Variants in SCP2 observed in about 807,000 individuals in gnomAD.
SCP2 encodes sterol carrier protein 2, also known as SCP-2/3-oxoacyl-CoA thiolase.
SCP2 carries 48 observed loss-of-function variants against 71.4 expected under a neutral mutation model. The ratio of observed to expected loss-of-function variants is 0.67; its 90% confidence interval spans 0.53 to 0.86. The LOEUF (loss-of-function observed/expected upper bound fraction) is 0.86. Among genes scored for constraint, SCP2 ranks in the 40% least tolerant of loss-of-function variants. The probability of loss-of-function intolerance (pLI) is 0.00; values close to 1 mark genes in which losing one functional copy is unlikely to be tolerated. For synonymous variants in SCP2, 220 were observed against 218.1 expected, an observed-to-expected ratio of 1.01 and a Z score of -0.08; for missense variants, 560 against 655.6, an observed-to-expected ratio of 0.85 and a Z score of 1.59.
intron 12 of SCP2, among the ~76,000 whole-genome samples, chr1:53,017,983 T>C (rs906824644): frequency 2.0e-5 from 3 of 152,134 alleles, no homozygotes; most frequent in African/African-American, 7.2e-5. Flanking sequence ...GCCTCCCAAG[T>C]AGCTGGGATT....
rs1287693006 is a variant in SCP2, at chr1:52,987,004, ATATTTT to A, written c.974-1023_974-1018del. Reference sequence around the variant, plus strand: ...TTCTTCTGTATATATATATATATATATATTTTTTTTTTTTTTTTTTTGAGACAGAGT... The same window carrying A: ...TTCTTCTGTATATATATATATATATATTTTTTTTTTTTTTTGAGACAGAGT... On this transcript the variant is annotated intron_variant, in intron 10 of 15. Transcript: ENST00000371514. Among the ~76,000 whole-genome samples the A allele has an allele frequency of 2.4e-3, 226 of 93,730 alleles. 1 individual carries two copies. Among genetic ancestry groups the A allele is most frequent in the African/African-American group, 9.9e-3 (214 of 21,648 alleles). The allele number at this position is 93,730 out of a possible 152,430, so 61.5% of individuals were successfully genotyped here. A position where few individuals can be genotyped will look rare whatever the true frequency, so the allele number is the denominator to read the frequency against.
Position 53,022,817 on chromosome 1 carries a change from T to C in SCP2, c.1236-5152T>C, listed in dbSNP as rs558724518. On this transcript the variant is annotated intron_variant, in intron 12 of 15. Transcript: ENST00000371514. ...TCTGTGCTCTCAGTCTTTGACATTGTTGTAGCAGAGCCTGTTTTAGGCCTT... is the reference window on the plus strand; with the variant it reads ...TCTGTGCTCTCAGTCTTTGACATTGCTGTAGCAGAGCCTGTTTTAGGCCTT... 1.4e-3 allele frequency among the ~76,000 whole-genome samples: 212 copies of C among 152,300 alleles called. 2 individuals carry two copies. Among genetic ancestry groups the C allele is most frequent in the African/African-American group, 4.7e-3 (197 of 41,558 alleles).
chr1:52,957,165 C>T (rs1336006172), intron 5 of SCP2, among the ~76,000 whole-genome samples: 1 of 152,192 alleles, frequency 6.6e-6, no homozygotes, highest in Non-Finnish European at 1.5e-5. Flanking sequence ...ACCTCGGCCT[C>T]CCAAAGTGCT....
At chr1:52,948,240 G>A (rs973951259) in intron 3 of SCP2, among the ~76,000 whole-genome samples, 160 bp downstream of exon 3, 2 of 152,146 alleles carry the variant, frequency 1.3e-5, no homozygotes, top group Admixed American at 6.6e-5. Flanking sequence ...AGAATTCAAA[G>A]TCTGATTTAA....
intron 6 of SCP2, among the ~76,000 whole-genome samples, chr1:52,966,683 A>G (rs1369688692): frequency 6.7e-6 from 1 of 149,720 alleles, no homozygotes; most frequent in Non-Finnish European, 1.5e-5. Flanking sequence ...CAGGAGTTTG[A>G]GACCAGCCTG....
At chr1:53,029,609 C>T (rs1662382632) in intron 13 of SCP2, among the ~76,000 whole-genome samples, 1 of 152,168 alleles carries the variant, frequency 6.6e-6, no homozygotes, top group Non-Finnish European at 1.5e-5. Context: ...ATCTCATAAC[C>T]CTTATTGTAG....
At chr1:53,000,962 A>G (rs1463099421) in intron 11 of SCP2, among the ~76,000 whole-genome samples, 2 of 152,088 alleles carry the variant, frequency 1.3e-5, no homozygotes, top group East Asian at 3.9e-4. Context: ...CTCCAAAAAA[A>G]GAAAAAAATT....
chr1:53,048,068 A>AGAC, intron 15 of SCP2, 131 bp downstream of exon 15: 1 of 714,858 alleles, frequency 1.4e-6, no homozygotes, highest in South Asian at 1.4e-5. Context: ...AACAGTTGAC[A>AGAC]GACGTCTGTG....
intron 5 of SCP2, among the ~76,000 whole-genome samples, chr1:52,955,342 T>C (rs1655699158): frequency 6.6e-6 from 1 of 152,168 alleles, no homozygotes; most frequent in Non-Finnish European, 1.5e-5. Flanking sequence ...AACAGCCCCC[T>C]GGAATGAAAG....
intron 11 of SCP2, chr1:52,994,834 C>A: frequency 2.0e-6 from 1 of 512,064 alleles, no homozygotes; most frequent in Non-Finnish European, 3.8e-6. Context: ...CAGCACCTAA[C>A]ATGGGGACAG....
intron 1 of SCP2, among the ~76,000 whole-genome samples, chr1:52,937,107 T>C (rs1653813489): frequency 6.6e-6 from 1 of 151,968 alleles, no homozygotes; most frequent in Non-Finnish European, 1.5e-5. Context: ...TGTAAACTAA[T>C]GTATATGTGG....
intron 11 of SCP2, among the ~76,000 whole-genome samples, chr1:52,991,533 C>T (rs6672557): frequency 0.32 from 48,178 of 152,002 alleles, 12,769 homozygotes; most frequent in African/African-American, 0.72. Flanking sequence ...CCCAAGTAGC[C>T]GGGATTATGG....
At chr1:53,044,656 A>G (rs1234772786) in intron 14 of SCP2, among the ~76,000 whole-genome samples, 1 of 152,228 alleles carries the variant, frequency 6.6e-6, no homozygotes, top group Non-Finnish European at 1.5e-5. Flanking sequence ...GGGAGAGGCC[A>G]GCTTTAATTT....
At chr1:52,929,197 CTTTTTT>C (rs11438037) in intron 1 of SCP2, among the ~76,000 whole-genome samples, 2 of 135,914 alleles carry the variant, frequency 1.5e-5, no homozygotes, top group South Asian at 2.4e-4. Flanking sequence ...CACTGTAACA[CTTTTTT>C]TTTTTTTTTT....
chr1:52,943,345 C>T (rs577262794), intron 2 of SCP2, among the ~76,000 whole-genome samples: 47 of 151,990 alleles, frequency 3.1e-4, no homozygotes, highest in African/African-American at 1.1e-3. Flanking sequence ...GCCTCAGCCT[C>T]CTGAGTAGCT....
intron 11 of SCP2, among the ~76,000 whole-genome samples, chr1:52,988,759 C>T (rs1413534822): frequency 6.6e-6 from 1 of 150,584 alleles, no homozygotes; most frequent in African/African-American, 2.5e-5. Flanking sequence ...AATTTCGGCT[C>T]ATTGCAGCCC....
intron 6 of SCP2, among the ~76,000 whole-genome samples, chr1:52,972,574 T>C (rs1001447117): frequency 1.3e-5 from 2 of 152,218 alleles, no homozygotes; most frequent in African/African-American, 4.8e-5. Context: ...AAAGCATGTG[T>C]ACTTCCTAAA....
intron 6 of SCP2, among the ~76,000 whole-genome samples, chr1:52,964,107 A>G (rs1656727538): frequency 6.6e-6 from 1 of 151,930 alleles, no homozygotes. Flanking sequence ...AATCATAAAT[A>G]TTTTAAATTA....
intron 5 of SCP2, among the ~76,000 whole-genome samples, chr1:52,956,793 T>C (rs560768206): frequency 6.6e-6 from 1 of 152,238 alleles, no homozygotes; most frequent in Non-Finnish European, 1.5e-5. Flanking sequence ...ATGGTACATA[T>C]GCTGGTAACT....
Sources: allele counts gnomAD v4.1 joint callset (sites outside exome capture counted in the v4.1 genomes callset), GRCh38; gene constraint gnomAD v4.1.1; transcripts MANE v1.5; gene names NCBI Gene and HGNC (gene_info 2026-07-23, HGNC 2026-07-21).